Variants in FHL2 observed in about 807,000 individuals in gnomAD.
FHL2 encodes the protein four and a half LIM domains protein 2.
In FHL2, 20 loss-of-function variants were observed where a neutral mutation model predicts 32.7. That is an observed-to-expected ratio of 0.61 (90% confidence interval 0.43 to 0.89). FHL2 has a LOEUF of 0.89. FHL2 is among the 40% of genes least tolerant of loss of function. The pLI is 0.00. For synonymous variants in FHL2, 123 were observed against 128.1 expected, an observed-to-expected ratio of 0.96 and a Z score of 0.27; for missense variants, 311 against 358.6, an observed-to-expected ratio of 0.87 and a Z score of 1.07.
intron 1 of FHL2, among the ~76,000 whole-genome samples, chr2:105,412,228 T>C (rs543299274): frequency 3.2e-4 from 48 of 152,338 alleles, no homozygotes; most frequent in African/African-American, 1.1e-3. Flanking sequence ...AGTACATCCA[T>C]ACAATGGAAT....
chr2:105,417,179 T>C (rs1390849223), intron 1 of FHL2, among the ~76,000 whole-genome samples: 1 of 151,916 alleles, frequency 6.6e-6, no homozygotes, highest in Non-Finnish European at 1.5e-5. Context: ...GTCAGGAGAC[T>C]GAGACCATCC....
At chr2:105,408,971 C>T (rs899013273) in intron 1 of FHL2, among the ~76,000 whole-genome samples, 1 of 152,018 alleles carries the variant, frequency 6.6e-6, no homozygotes, top group African/African-American at 2.4e-5. Context: ...CCAGGCTGAG[C>T]CAAGGCAGCA....
rs375320595 is a variant in FHL2 at position 105,430,424 on chromosome 2, C to T, written c.-25+7975G>A. On this transcript the variant is annotated intron_variant, in intron 1 of 5. Transcript: ENST00000393352. Reference sequence around the variant, plus strand: ...GCTCACGCCTGTAATCCCAGCACTTCGGGAGGCCAAGGCGGGCAGATCACC... The same window carrying T: ...GCTCACGCCTGTAATCCCAGCACTTTGGGAGGCCAAGGCGGGCAGATCACC... Among the ~76,000 whole-genome samples, 128 of 152,240 alleles carry T rather than the reference C, an allele frequency of 8.4e-4. 2 individuals carry two copies. In the East Asian group the frequency reaches 0.011, roughly 13 times the overall value.
chr2:105,429,750 A>G (rs1684372478), intron 1 of FHL2, among the ~76,000 whole-genome samples: 1 of 152,230 alleles, frequency 6.6e-6, no homozygotes, highest in South Asian at 2.1e-4. Flanking sequence ...ATAGCTCCTT[A>G]GTTCAGATAC....
At chr2:105,369,804 AT>A (rs1680895678) in intron 4 of FHL2, among the ~76,000 whole-genome samples, 1 of 152,182 alleles carries the variant, frequency 6.6e-6, no homozygotes, top group South Asian at 2.1e-4. Context: ...CTCTCATGGC[AT>A]TCTTGTCGAG....
intron 1 of FHL2, among the ~76,000 whole-genome samples, chr2:105,427,668 T>C (rs1378855832): frequency 6.6e-6 from 1 of 152,194 alleles, no homozygotes; most frequent in Admixed American, 6.5e-5. Flanking sequence ...TTGTCTTGCA[T>C]GTGAAAGGAA....
intron 2 of FHL2, among the ~76,000 whole-genome samples, chr2:105,387,401 C>A (rs1682404137): frequency 6.6e-6 from 1 of 152,176 alleles, no homozygotes; most frequent in Non-Finnish European, 1.5e-5. Context: ...GTGCAAGCTG[C>A]CCTTGCACAA....
intron 1 of FHL2, among the ~76,000 whole-genome samples, chr2:105,427,747 G>C (rs1050917470): frequency 3.9e-5 from 6 of 152,184 alleles, no homozygotes; most frequent in African/African-American, 1.4e-4. Context: ...TGTGCTTACA[G>C]CTAAGGCAGC....
At chr2:105,396,788 T>G in intron 1 of FHL2, 91 bp from the exon 2 acceptor site, 2 of 1,126,488 alleles carry the variant, frequency 1.8e-6, no homozygotes, top group Non-Finnish European at 2.6e-6. Context: ...TTAATAAATG[T>G]GGCTTTGATC....
At chr2:105,394,602 A>C (rs1682992406) in intron 2 of FHL2, among the ~76,000 whole-genome samples, 1 of 151,856 alleles carries the variant, frequency 6.6e-6, no homozygotes, top group Non-Finnish European at 1.5e-5. Context: ...GAAAAGAAGG[A>C]AAGAAAGAAA....
At chr2:105,371,092 T>C (rs891200290) in intron 4 of FHL2, among the ~76,000 whole-genome samples, 2 of 152,138 alleles carry the variant, frequency 1.3e-5, no homozygotes, top group African/African-American at 4.8e-5. Context: ...TCTTATCTGA[T>C]CATGTTTTTC....
intron 1 of FHL2, among the ~76,000 whole-genome samples, chr2:105,407,611 C>T (rs1187399000): frequency 1.3e-5 from 2 of 151,848 alleles, no homozygotes; most frequent in Non-Finnish European, 2.9e-5. Flanking sequence ...CAGATGCAAA[C>T]TTGGGAATCT....
chr2:105,378,595 C>T (rs905785080), intron 3 of FHL2: 1 of 160,144 alleles, frequency 6.2e-6, no homozygotes, highest in African/African-American at 2.4e-5. Context: ...CACAAAGTGC[C>T]TTTGCCTGCC....
chr2:105,431,233 C>A (rs1314752832), intron 1 of FHL2, among the ~76,000 whole-genome samples: 1 of 152,120 alleles, frequency 6.6e-6, no homozygotes, highest in Non-Finnish European at 1.5e-5. Flanking sequence ...CTAGTAGACA[C>A]CACTCACTGC....
intron 1 of FHL2, among the ~76,000 whole-genome samples, chr2:105,434,094 T>C (rs1032379178): frequency 3.3e-5 from 5 of 152,216 alleles, no homozygotes; most frequent in Admixed American, 3.3e-4. Flanking sequence ...TCTCCTTTCC[T>C]TGAGGCACCA....
chr2:105,422,770 G>T (rs559953570), intron 1 of FHL2, among the ~76,000 whole-genome samples: 1 of 151,754 alleles, frequency 6.6e-6, no homozygotes, highest in South Asian at 2.1e-4. Context: ...TTTATCAATT[G>T]ATTACTTGAT....
chr2:105,407,677 G>C (rs1160371485), intron 1 of FHL2, among the ~76,000 whole-genome samples: 1 of 152,214 alleles, frequency 6.6e-6, no homozygotes, highest in African/African-American at 2.4e-5. Flanking sequence ...ATACAATGAA[G>C]AGCTGAAAAT....
At chr2:105,373,065 T>C (rs891984394) in intron 4 of FHL2, among the ~76,000 whole-genome samples, 5 of 152,224 alleles carry the variant, frequency 3.3e-5, no homozygotes, top group African/African-American at 9.6e-5. Flanking sequence ...TGTGCCCTTT[T>C]TGACTGTCCG....
chr2:105,413,275 A>G (rs1274279393), intron 1 of FHL2, among the ~76,000 whole-genome samples: 1 of 152,176 alleles, frequency 6.6e-6, no homozygotes, highest in African/African-American at 2.4e-5. Flanking sequence ...CACTCTCCTG[A>G]CAAAAAGGGA....
Sources: gnomAD v4.1 joint callset for allele counts (sites outside exome capture counted in the v4.1 genomes callset) on GRCh38, gnomAD v4.1.1 for gene constraint, MANE v1.5 for transcripts, NCBI Gene and HGNC (gene_info 2026-07-23, HGNC 2026-07-21) for gene names.